The following THEMIS variants were observed in gnomAD, a reference collection of about 807,000 sequenced individuals.
THEMIS encodes the protein thymocyte selection associated.
THEMIS carries 37 observed loss-of-function variants against 52.6 expected under a neutral mutation model. The ratio of observed to expected loss-of-function variants is 0.70; its 90% CI spans 0.54 to 0.93. The LOEUF (loss-of-function observed/expected upper bound fraction) is 0.93. Among genes scored for constraint, THEMIS ranks in the 40% least tolerant of loss-of-function variants. The pLI, the probability that THEMIS is intolerant of heterozygous loss-of-function variation, is 0.00. For synonymous variants in THEMIS, 292 were observed against 272.7 expected, an observed-to-expected ratio of 1.07 and a Z score of -0.70; for missense variants, 808 against 763.1, an observed-to-expected ratio of 1.06 and a Z score of -0.69.
At chr6:127,770,689 T>C (rs1395402543) in intron 4 of THEMIS, among the ~76,000 whole-genome samples, 4 of 152,234 alleles carry the variant, frequency 2.6e-5, no homozygotes, top group Non-Finnish European at 5.9e-5. Flanking sequence ...CATGAAGTCC[T>C]TGCCCATGCC....
intron 4 of THEMIS, among the ~76,000 whole-genome samples, chr6:127,726,240 T>C (rs1055320877): frequency 2.6e-5 from 4 of 152,108 alleles, no homozygotes; most frequent in Non-Finnish European, 4.4e-5. Context: ...ACCCTGAACT[T>C]TTCTTGGGTC....
At chr6:127,738,680 T>C (rs989705792) in intron 4 of THEMIS, among the ~76,000 whole-genome samples, 3 of 152,328 alleles carry the variant, frequency 2.0e-5, no homozygotes, top group Middle Eastern at 6.8e-3. Context: ...CTAGATGGTG[T>C]GCTCTTGGAA....
chr6:127,725,432 GTGTGTGTGTGTGTGTGTC>G (rs1161754009), intron 4 of THEMIS, among the ~76,000 whole-genome samples: 1 of 150,066 alleles, frequency 6.7e-6, no homozygotes, highest in Non-Finnish European at 1.5e-5. Context: ...GTCTCCTACT[GTGTGTGTGTGTGTGTGTC>G]TGTGTGTGTG....
intron 4 of THEMIS, among the ~76,000 whole-genome samples, chr6:127,734,925 G>T (rs1418721151): frequency 1.4e-5 from 2 of 138,382 alleles, no homozygotes; most frequent in African/African-American, 2.7e-5. Flanking sequence ...GTGTGTGTGT[G>T]TGTGTGTGTG....
At chr6:127,818,235 TG>T (rs1778203369) in intron 3 of THEMIS, among the ~76,000 whole-genome samples, 1 of 152,158 alleles carries the variant, frequency 6.6e-6, no homozygotes, top group Non-Finnish European at 1.5e-5. Flanking sequence ...GAGAAACACT[TG>T]TGAAGGTCAC....
upstream of THEMIS, among the ~76,000 whole-genome samples, chr6:127,903,595 G>A (rs1365493918): frequency 6.6e-6 from 1 of 151,728 alleles, no homozygotes; most frequent in Non-Finnish European, 1.5e-5. Flanking sequence ...AAATAAACCA[G>A]AGGGGAAAAA....
chr6:127,828,017 C>G (rs1381020503), intron 3 of THEMIS, among the ~76,000 whole-genome samples: 1 of 152,146 alleles, frequency 6.6e-6, no homozygotes, highest in African/African-American at 2.4e-5. Context: ...ACCTGCTTCC[C>G]CAATACCACT....
intron 1 of THEMIS, among the ~76,000 whole-genome samples, chr6:127,875,437 A>G (rs1780285827): frequency 6.6e-6 from 1 of 152,218 alleles, no homozygotes; most frequent in East Asian, 1.9e-4. Context: ...AAGTCAACAT[A>G]GCAGGGAGAA....
At chr6:127,847,817 A>G (rs1414119168) in intron 2 of THEMIS, among the ~76,000 whole-genome samples, 2 of 151,566 alleles carry the variant, frequency 1.3e-5, no homozygotes, top group African/African-American at 2.4e-5. Flanking sequence ...ATGGAACCAA[A>G]AAGAGCCCAC....
intron 2 of THEMIS, among the ~76,000 whole-genome samples, chr6:127,837,259 A>C (rs1778902069): frequency 6.6e-6 from 1 of 152,120 alleles, no homozygotes; most frequent in Non-Finnish European, 1.5e-5. Flanking sequence ...GAAGGAAGTT[A>C]CCTCATAATA....
At chr6:127,880,832 CAAA>C (rs1780463008) in intron 1 of THEMIS, among the ~76,000 whole-genome samples, 1 of 151,898 alleles carries the variant, frequency 6.6e-6, no homozygotes, top group Admixed American at 6.6e-5. Context: ...AAAATAACAA[CAAA>C]AAAGTATTTT....
intron 4 of THEMIS, among the ~76,000 whole-genome samples, chr6:127,734,566 C>T (rs919310906): frequency 2.6e-5 from 4 of 151,822 alleles, no homozygotes; most frequent in Non-Finnish European, 5.9e-5. Flanking sequence ...TTGTGTAAGA[C>T]GTGAGGGTGC....
intron 2 of THEMIS, among the ~76,000 whole-genome samples, chr6:127,854,132 A>C (rs1415961687): frequency 6.6e-6 from 1 of 151,818 alleles, no homozygotes; most frequent in African/African-American, 2.4e-5. Flanking sequence ...TCACATGTTC[A>C]TATTTTATGT....
At chr6:127,817,114 T>C (rs1257962011) in intron 3 of THEMIS, among the ~76,000 whole-genome samples, 1 of 152,194 alleles carries the variant, frequency 6.6e-6, no homozygotes, top group African/African-American at 2.4e-5. Flanking sequence ...ATTATGAACA[T>C]TTTCTATTTT....
intron 4 of THEMIS, among the ~76,000 whole-genome samples, chr6:127,762,052 C>A (rs374158698): frequency 6.6e-6 from 1 of 152,030 alleles, no homozygotes; most frequent in South Asian, 2.1e-4. Flanking sequence ...GCTATACATA[C>A]AAGGGGATAC....
At chr6:127,723,646 T>C (rs1378665081) in intron 4 of THEMIS, among the ~76,000 whole-genome samples, 1 of 151,966 alleles carries the variant, frequency 6.6e-6, no homozygotes, top group Non-Finnish European at 1.5e-5. Context: ...AGGTCCACAA[T>C]CTCATCACTC....
intron 1 of THEMIS, among the ~76,000 whole-genome samples, chr6:127,907,510 CA>C: frequency 6.6e-6 from 1 of 151,894 alleles, no homozygotes; most frequent in Non-Finnish European, 1.5e-5. Context: ...TGTGATTGAT[CA>C]AACTTGGCTC....
At chr6:127,752,609 T>A (rs575632277) in intron 4 of THEMIS, among the ~76,000 whole-genome samples, 2 of 151,562 alleles carry the variant, frequency 1.3e-5, no homozygotes, top group South Asian at 4.1e-4. Flanking sequence ...ACATGCAAAC[T>A]ACCAAGACCC....
chr6:127,842,435 A>G (rs1488954398), intron 2 of THEMIS, among the ~76,000 whole-genome samples: 3 of 151,982 alleles, frequency 2.0e-5, no homozygotes, highest in Non-Finnish European at 4.4e-5. Flanking sequence ...GCCTTAATTA[A>G]TTTCTTACAG....
Sources: allele counts gnomAD v4.1 joint callset (sites outside exome capture counted in the v4.1 genomes callset), GRCh38; gene constraint gnomAD v4.1.1; transcripts MANE v1.5; gene names NCBI Gene and HGNC (gene_info 2026-07-23, HGNC 2026-07-21).